The following SVOPL variants were observed in gnomAD, a reference collection of about 807,000 sequenced individuals.
The protein encoded by SVOPL is putative transporter SVOPL.
SVOPL carries 60 observed loss-of-function variants against 61.0 expected under a neutral mutation model. The observed-to-expected ratio is 0.98, with a 90% CI of 0.80 to 1.22. SVOPL has a LOEUF of 1.22. Among genes scored for constraint, SVOPL ranks in the 50% most tolerant of loss-of-function variants. The pLI is 0.00. For missense variants in SVOPL, 662 were observed against 643.9 expected, an observed-to-expected ratio of 1.03 and a Z score of -0.30; for synonymous variants, 279 against 250.0, an observed-to-expected ratio of 1.12 and a Z score of -1.09.
intron 1 of SVOPL, among the ~76,000 whole-genome samples, chr7:138,698,022 G>A (rs1386965594): frequency 6.6e-6 from 1 of 150,938 alleles, no homozygotes; most frequent in Non-Finnish European, 1.5e-5. Flanking sequence ...AGGAGGGAAG[G>A]AAGAAGTAAT....
chr7:138,638,587 C>T (rs1380833966), intron 9 of SVOPL, among the ~76,000 whole-genome samples: 2 of 151,478 alleles, frequency 1.3e-5, no homozygotes, highest in African/African-American at 4.9e-5. Context: ...GGGTGAGACC[C>T]CATCACAAAA....
At chr7:138,692,423 A>T (rs1056078479) in intron 1 of SVOPL, among the ~76,000 whole-genome samples, 1 of 152,130 alleles carries the variant, frequency 6.6e-6, no homozygotes, top group Non-Finnish European at 1.5e-5. Context: ...GCTCCCCAAC[A>T]TTGGGCCAAA....
At chr7:138,647,791 T>C (rs1801193050) in intron 8 of SVOPL, among the ~76,000 whole-genome samples, 1 of 142,564 alleles carries the variant, frequency 7.0e-6, no homozygotes, top group Non-Finnish European at 1.5e-5. Context: ...GAGGTTGCAG[T>C]GAGCCGAGAT....
intron 1 of SVOPL, among the ~76,000 whole-genome samples, chr7:138,694,558 TAAC>T (rs886824627): frequency 1.4e-4 from 21 of 152,050 alleles, no homozygotes; most frequent in African/African-American, 3.1e-4. Context: ...ACTGTTGTTT[TAAC>T]AACAACAACA....
chr7:138,631,993 C>CA (rs1563104619), intron 9 of SVOPL, among the ~76,000 whole-genome samples: 3 of 149,682 alleles, frequency 2.0e-5, no homozygotes, highest in East Asian at 1.9e-4. Flanking sequence ...CATACACACA[C>CA]CCCTACACCC....
At chr7:138,666,044 C>T (rs1802250232) in intron 4 of SVOPL, among the ~76,000 whole-genome samples, 1 of 152,222 alleles carries the variant, frequency 6.6e-6, no homozygotes, top group East Asian at 1.9e-4. Context: ...GAAACTGCTT[C>T]TGCAAGAACA....
chr7:138,697,208 C>G (rs989660997), intron 1 of SVOPL, among the ~76,000 whole-genome samples: 1 of 151,758 alleles, frequency 6.6e-6, no homozygotes, highest in African/African-American at 2.4e-5. Context: ...CCCATCTCTA[C>G]AAAAATAATA....
chr7:138,663,985 TCATA>T (rs1802131532), intron 4 of SVOPL, among the ~76,000 whole-genome samples: 1 of 152,100 alleles, frequency 6.6e-6, no homozygotes, highest in South Asian at 2.1e-4. Flanking sequence ...GAAAAATTCA[TCATA>T]TATATTCTTG....
At chr7:138,642,848 A>AAAAAAAAAAAAAAGAAG (rs1437306629) in intron 9 of SVOPL, among the ~76,000 whole-genome samples, 2 of 35,446 alleles carry the variant, frequency 5.6e-5, no homozygotes, top group African/African-American at 1.1e-4. Context: ...AAAAAAAAAA[A>AAAAAAAAAAAAAAGAAG]AAGAAGAAAC....
chr7:138,675,890 G>A (rs1035088212), intron 3 of SVOPL, among the ~76,000 whole-genome samples: 2 of 152,276 alleles, frequency 1.3e-5, no homozygotes, highest in African/African-American at 2.4e-5. Context: ...CCAGGCTGGA[G>A]TGCAGTGACG....
intron 1 of SVOPL, among the ~76,000 whole-genome samples, chr7:138,691,665 C>T (rs1323346281): frequency 2.6e-5 from 4 of 152,042 alleles, no homozygotes; most frequent in Admixed American, 2.0e-4. Context: ...CTCAGCCTCC[C>T]GAGAAGCCGG....
intron 14 of SVOPL, among the ~76,000 whole-genome samples, chr7:138,615,270 T>C (rs1404028464): frequency 6.6e-6 from 1 of 151,698 alleles, no homozygotes; most frequent in African/African-American, 2.4e-5. Flanking sequence ...AAAAAAGAGA[T>C]CACAAGGCTG....
chr7:138,610,457 G>A (rs1023897779), intron 14 of SVOPL, among the ~76,000 whole-genome samples: 2 of 151,474 alleles, frequency 1.3e-5, no homozygotes, highest in African/African-American at 4.9e-5. Context: ...GTTTATCTTT[G>A]TTATCATTAA....
At chr7:138,599,566 C>A (rs1360843360) in intron 14 of SVOPL, among the ~76,000 whole-genome samples, 1 of 152,110 alleles carries the variant, frequency 6.6e-6, no homozygotes, top group African/African-American at 2.4e-5. Context: ...TAGATCCTTA[C>A]TTCAGGCCTA....
intron 7 of SVOPL, among the ~76,000 whole-genome samples, chr7:138,652,816 G>A (rs1169914748): frequency 6.6e-6 from 1 of 152,010 alleles, no homozygotes; most frequent in East Asian, 1.9e-4. Context: ...AGTAGAAACA[G>A]GGTTTCACCA....
At chr7:138,620,119 GTTTTGT>G (rs1799490708) in intron 14 of SVOPL, among the ~76,000 whole-genome samples, 1 of 114,588 alleles carries the variant, frequency 8.7e-6, no homozygotes, top group African/African-American at 3.1e-5. Flanking sequence ...TTTTTTTTCT[GTTTTGT>G]TTTTTTTTTT....
rs1281500368 is a variant in SVOPL, at chr7:138,612,424, T to TA, written c.1353+8621dup. On this transcript the variant is annotated intron_variant, in intron 14 of 15. Transcript: ENST00000674285. ...ATAAATTAAAAAAAAAAAAAAAAAA[T>TA]AAAATAAAAAATAAAAAAAAAATAA... 2.5e-3 allele frequency among the ~76,000 whole-genome samples: 102 copies of TA among 41,262 alleles called. 19 individuals carry two copies. The highest frequency in any genetic ancestry group is 5.5e-3 in the African/African-American group (66 of 12,068). 27.1% of individuals were successfully genotyped at this position (41,262 alleles called of 152,430 possible). A position where few individuals can be genotyped will look rare whatever the true frequency, so the allele number is the denominator to read the frequency against.
intron 4 of SVOPL, among the ~76,000 whole-genome samples, chr7:138,665,673 G>C (rs1213613227): frequency 1.3e-4 from 20 of 152,142 alleles, no homozygotes; most frequent in Admixed American, 1.3e-3. Context: ...AGGTGCAAAT[G>C]CCACACCTGG....
chr7:138,662,570 G>T, intron 5 of SVOPL: 1 of 986,254 alleles, frequency 1.0e-6, no homozygotes, highest in Non-Finnish European at 1.2e-6. Flanking sequence ...CCTCCCAATA[G>T]GGCTGCTCTG....
Sources: gnomAD v4.1 joint callset for allele counts (sites outside exome capture counted in the v4.1 genomes callset) on GRCh38, gnomAD v4.1.1 for gene constraint, MANE v1.5 for transcripts, NCBI Gene and HGNC (gene_info 2026-07-23, HGNC 2026-07-21) for gene names.